Variants in OXSR1 observed in about 807,000 individuals in gnomAD.
The protein encoded by OXSR1 is oxidative stress responsive kinase 1, also known as serine/threonine-protein kinase OSR1.
Under a neutral mutation model 79.8 loss-of-function variants are expected in OXSR1, and 24 were observed. That is an observed-to-expected ratio of 0.30 (90% CI 0.22 to 0.42). The LOEUF is 0.42. OXSR1 is among the 10% of genes least tolerant of loss of function. OXSR1 has a pLI of 1.00. For synonymous variants in OXSR1, 226 were observed against 209.2 expected, an observed-to-expected ratio of 1.08 and a Z score of -0.69; for missense variants, 430 against 618.4, an observed-to-expected ratio of 0.70 and a Z score of 3.23.
intron 4 of OXSR1, among the ~76,000 whole-genome samples, chr3:38,200,510 T>C (rs752149883): frequency 6.6e-6 from 1 of 152,222 alleles, no homozygotes; most frequent in African/African-American, 2.4e-5. Context: ...GGATTATTTC[T>C]GGGAATTTTA....
chr3:38,198,948 A>G (rs1031124118), intron 4 of OXSR1, 85 bp downstream of exon 4: 2 of 1,139,972 alleles, frequency 1.8e-6, no homozygotes, highest in Non-Finnish European at 1.3e-6. Context: ...TCTGACTGTT[A>G]TCATAGCTCT....
chr3:38,170,517 C>A (rs1042949544), intron 1 of OXSR1, among the ~76,000 whole-genome samples: 1 of 151,338 alleles, frequency 6.6e-6, no homozygotes, highest in Non-Finnish European at 1.5e-5. Context: ...AGTTTTAGCT[C>A]TTGCATTTAA....
intron 11 of OXSR1, among the ~76,000 whole-genome samples, chr3:38,240,136 A>C (rs1702999588): frequency 6.6e-6 from 1 of 152,214 alleles, no homozygotes; most frequent in Admixed American, 6.6e-5. Flanking sequence ...GAAAGAATCC[A>C]AGTAACCTAT....
chr3:38,174,574 ACT>A (rs1559499461), intron 1 of OXSR1, among the ~76,000 whole-genome samples: 2 of 152,072 alleles, frequency 1.3e-5, no homozygotes. Flanking sequence ...AGAATGAGAC[ACT>A]GTCTCAAAAA....
At chr3:38,175,461 G>A (rs1380282179) in intron 1 of OXSR1, among the ~76,000 whole-genome samples, 1 of 151,942 alleles carries the variant, frequency 6.6e-6, no homozygotes, top group Non-Finnish European at 1.5e-5. Context: ...CACCACACCC[G>A]GCTAATTTTT....
In OXSR1 at chr3:38,244,670, T is replaced by TGTGTGTGTGCGCGCAC. The variant is rs1491372358; in HGVS notation, c.1111-1404_1111-1403insTGTGTGTGCGCGCACG. Among the ~76,000 whole-genome samples the TGTGTGTGTGCGCGCAC allele has an allele frequency of 1.0e-4, 15 of 149,734 alleles. No individual in the cohort carries two copies. In the South Asian group the frequency reaches 1.7e-3, roughly 17 times the overall value. On this transcript the variant is annotated intron_variant, in intron 12 of 17. Transcript: ENST00000311806. The stretch of plus-strand genomic sequence containing the variant: ...GTGTGTGTGTGTGTGTGTGTGTGCG[T>TGTGTGTGTGCGCGCAC]GCGCATGTACCACATTTTATTCATC...
Position 38,245,628 on chromosome 3 carries a change from G to C in OXSR1, c.1111-447G>C, listed in dbSNP as rs34715652. On this transcript the variant is annotated intron_variant, in intron 12 of 17. Coordinates refer to ENST00000311806, the MANE Select transcript of OXSR1 (RefSeq NM_005109.3). ...ATGCAAACTGAAGACAGACACAAAAGACTATATATTATATGATTCCATTTA... is the reference window on the plus strand; with the variant it reads ...ATGCAAACTGAAGACAGACACAAAACACTATATATTATATGATTCCATTTA... 5.5e-3 allele frequency among the ~76,000 whole-genome samples: 840 copies of C among 152,256 alleles called. 8 individuals are homozygous for C. The highest frequency in any genetic ancestry group is 0.019 in the African/African-American group (783 of 41,544).
intron 14 of OXSR1, 121 bp downstream of exon 14, chr3:38,247,853 T>A (rs1703175172): frequency 6.7e-6 from 4 of 600,686 alleles, no homozygotes; most frequent in Non-Finnish European, 1.2e-5. Context: ...AAGCTCTGTT[T>A]GCTTGGTGGT....
intron 10 of OXSR1, among the ~76,000 whole-genome samples, chr3:38,232,195 G>A (rs1469798980): frequency 2.0e-5 from 3 of 152,064 alleles, no homozygotes; most frequent in Admixed American, 6.6e-5. Context: ...TGAGGTGGGA[G>A]GATAGCTTGA....
chr3:38,244,670 T>TGTGTGC (rs1491372358), intron 12 of OXSR1, among the ~76,000 whole-genome samples: 6,501 of 149,428 alleles, frequency 0.044, 235 homozygotes, highest in Middle Eastern at 0.073. Context: ...TGTGTGTGCG[T>TGTGTGC]GCGCATGTAC....
chr3:38,239,468 T>C (rs1702983688), intron 11 of OXSR1, among the ~76,000 whole-genome samples: 1 of 152,206 alleles, frequency 6.6e-6, no homozygotes, highest in Admixed American at 6.5e-5. Flanking sequence ...TGTAGTAGTG[T>C]TCAGCCTACA....
intron 4 of OXSR1, among the ~76,000 whole-genome samples, chr3:38,212,458 C>T (rs1455033513): frequency 2.0e-5 from 3 of 152,114 alleles, no homozygotes; most frequent in Non-Finnish European, 4.4e-5. Context: ...AAATATTTTT[C>T]CCATTAGAGA....
intron 4 of OXSR1, among the ~76,000 whole-genome samples, chr3:38,202,096 A>T (rs1308305653): frequency 6.6e-6 from 1 of 152,198 alleles, no homozygotes; most frequent in Non-Finnish European, 1.5e-5. Context: ...GAGTAGTTGA[A>T]TAGTTATCTC....
At chr3:38,234,293 T>C (rs1388479440) in intron 10 of OXSR1, among the ~76,000 whole-genome samples, 1 of 152,188 alleles carries the variant, frequency 6.6e-6, no homozygotes, top group Non-Finnish European at 1.5e-5. Flanking sequence ...CAATAGACGC[T>C]GGCAAGAAAG....
intron 4 of OXSR1, among the ~76,000 whole-genome samples, chr3:38,213,608 G>C (rs767109337): frequency 2.6e-5 from 4 of 152,152 alleles, no homozygotes; most frequent in Non-Finnish European, 4.4e-5. Context: ...TGTAGCAAAA[G>C]TACTGAACTA....
intron 4 of OXSR1, among the ~76,000 whole-genome samples, chr3:38,209,338 A>T (rs946670598): frequency 9.4e-5 from 14 of 149,418 alleles, no homozygotes; most frequent in African/African-American, 3.2e-4. Flanking sequence ...CCTGCCTCAG[A>T]CTCCCAAATA....
chr3:38,233,443 G>T (rs1231942218), intron 10 of OXSR1, among the ~76,000 whole-genome samples: 1 of 152,180 alleles, frequency 6.6e-6, no homozygotes, highest in Non-Finnish European at 1.5e-5. Context: ...TTTCCAATCA[G>T]TGCTTTAGTT....
At chr3:38,186,682 T>C (rs187242282) in intron 2 of OXSR1, among the ~76,000 whole-genome samples, 45 of 152,342 alleles carry the variant, frequency 3.0e-4, no homozygotes, top group African/African-American at 1.1e-3. Context: ...TATATAGATA[T>C]ACCACATATT....
intron 4 of OXSR1, among the ~76,000 whole-genome samples, chr3:38,199,371 C>T (rs1702121649): frequency 6.6e-6 from 1 of 151,480 alleles, no homozygotes; most frequent in African/African-American, 2.4e-5. Context: ...TCAAGTGATC[C>T]TCCCACCTCA....
Sources: gnomAD v4.1 joint callset for allele counts (sites outside exome capture counted in the v4.1 genomes callset) on GRCh38, gnomAD v4.1.1 for gene constraint, MANE v1.5 for transcripts, NCBI Gene and HGNC (gene_info 2026-07-23, HGNC 2026-07-21) for gene names.